Variants in EPHB1 observed in about 807,000 individuals in gnomAD.
EPHB1 encodes ephrin type-B receptor 1.
A neutral mutation model predicts 94.4 loss-of-function variants in EPHB1; 30 were observed. The ratio of observed to expected loss-of-function variants is 0.32; its 90% CI spans 0.24 to 0.43. EPHB1 has a LOEUF of 0.43. Ranked by LOEUF, EPHB1 falls within the 20% of genes least tolerant of loss-of-function variation. EPHB1 has a pLI of 1.00. For synonymous variants in EPHB1, 522 were observed against 489.1 expected (o/e 1.07, Z -0.89); for missense variants, 1,055 against 1,308.3 (o/e 0.81, Z 2.99).
chr3:134,854,550 T>C (rs2037069715), intron 1 of EPHB1, among the ~76,000 whole-genome samples: 1 of 152,150 alleles, frequency 6.6e-6, no homozygotes, highest in African/African-American at 2.4e-5. Flanking sequence ...ACAGCATTCA[T>C]TGCATCACAG....
At chr3:135,019,340 C>T (rs10804634) in intron 3 of EPHB1, among the ~76,000 whole-genome samples, 39,243 of 151,998 alleles carry the variant, frequency 0.26, 6,584 homozygotes, top group East Asian at 0.72. Context: ...ACGGCTTCCA[C>T]CCCAGGACTC....
At chr3:135,103,057 A>G (rs1021982260) in intron 3 of EPHB1, among the ~76,000 whole-genome samples, 1 of 152,162 alleles carries the variant, frequency 6.6e-6, no homozygotes, top group Admixed American at 6.6e-5. Context: ...ATGGGTTGAT[A>G]GGTGCAGCAA....
rs188650161 is a variant in EPHB1, at chr3:134,954,456, G to C, written c.805+2404G>C. On this transcript the variant is annotated intron_variant, in intron 3 of 15. Coordinates refer to ENST00000398015, the MANE Select transcript of EPHB1 (RefSeq NM_004441.5). ...ATGGTGGCCATTCACAATGGTTTTGGTGTAGCCCACTTAGCACAATCATCA... is the reference window on the plus strand; with the variant it reads ...ATGGTGGCCATTCACAATGGTTTTGCTGTAGCCCACTTAGCACAATCATCA... 1.3e-4 allele frequency among the ~76,000 whole-genome samples: 20 copies of C among 152,266 alleles called. No homozygotes were observed. The East Asian group carries it at 3.5e-3, about 26-fold the overall frequency.
intron 3 of EPHB1, among the ~76,000 whole-genome samples, chr3:135,062,150 A>G (rs1304550166): frequency 6.6e-6 from 1 of 152,210 alleles, no homozygotes. Flanking sequence ...TGCTTTAAAC[A>G]TGCATGTGTG....
chr3:135,091,201 A>T (rs1466131057), intron 3 of EPHB1, among the ~76,000 whole-genome samples: 1 of 152,158 alleles, frequency 6.6e-6, no homozygotes, highest in Non-Finnish European at 1.5e-5. Context: ...TGAGAAGGAG[A>T]AAGAGTTGAG....
chr3:134,958,408 A>G (rs942579835), intron 3 of EPHB1, among the ~76,000 whole-genome samples: 4 of 108,674 alleles, frequency 3.7e-5, no homozygotes, highest in Non-Finnish European at 7.4e-5. Context: ...TGAGGAACAC[A>G]AGGGAGTGTG....
chr3:134,897,510 T>C (rs1364612376), intron 1 of EPHB1, among the ~76,000 whole-genome samples: 2 of 152,180 alleles, frequency 1.3e-5, no homozygotes, highest in African/African-American at 4.8e-5. Flanking sequence ...TGGCACCATC[T>C]TTTCTTCTGC....
At chr3:134,865,665 AAAAG>A (rs1251596559) in intron 1 of EPHB1, among the ~76,000 whole-genome samples, 3 of 152,060 alleles carry the variant, frequency 2.0e-5, no homozygotes, top group South Asian at 4.1e-4. Context: ...AAAAAAAAAA[AAAAG>A]AAAGAAAGAA....
chr3:134,881,887 T>A (rs985424023), intron 1 of EPHB1, among the ~76,000 whole-genome samples: 5 of 152,180 alleles, frequency 3.3e-5, no homozygotes, highest in African/African-American at 1.2e-4. Context: ...TCATGCAGTT[T>A]CCATCAAAGA....
intron 1 of EPHB1, among the ~76,000 whole-genome samples, chr3:134,844,623 AG>A (rs1462617509): frequency 1.3e-5 from 2 of 152,204 alleles, no homozygotes; most frequent in Non-Finnish European, 2.9e-5. Context: ...CTTCCCTAGC[AG>A]GACCTTCATA....
chr3:134,988,672 C>G (rs191204719), intron 3 of EPHB1, among the ~76,000 whole-genome samples: 11 of 152,226 alleles, frequency 7.2e-5, no homozygotes, highest in Non-Finnish European at 1.0e-4. Flanking sequence ...CCCTATCATG[C>G]GGTTTTTACT....
Position 135,226,166 on chromosome 3 carries a change from C to T in EPHB1, c.2347-14982C>T, listed in dbSNP as rs113969804. Among the ~76,000 whole-genome samples, 1,210 of 152,278 alleles carry T rather than the reference C, an allele frequency of 7.9e-3. 9 individuals carry two copies. The highest frequency in any genetic ancestry group is 0.027 in the African/African-American group (1,117 of 41,560). On this transcript the variant is annotated intron_variant, in intron 12 of 15. Coordinates refer to ENST00000398015, the MANE Select transcript of EPHB1 (RefSeq NM_004441.5). ...TGGGGACAGCTGTGGGCAGCTTGGC[C>T]CATGGTCCAGCCTACACTACGGCTT... is the stretch of plus-strand genomic sequence containing the variant.
chr3:134,894,809 T>C (rs979699768), intron 1 of EPHB1, among the ~76,000 whole-genome samples: 3 of 152,236 alleles, frequency 2.0e-5, no homozygotes, highest in Admixed American at 6.5e-5. Context: ...AGAAACACAT[T>C]GAAGAGCCAA....
intron 2 of EPHB1, among the ~76,000 whole-genome samples, chr3:134,933,008 A>G (rs1398974279): frequency 6.6e-6 from 1 of 152,158 alleles, no homozygotes; most frequent in East Asian, 1.9e-4. Context: ...AGTATCTGTC[A>G]TGACTTTTTG....
intron 3 of EPHB1, among the ~76,000 whole-genome samples, chr3:135,056,056 A>T (rs1253892248): frequency 6.6e-6 from 1 of 152,170 alleles, no homozygotes; most frequent in Admixed American, 6.5e-5. Flanking sequence ...CTATCAGACC[A>T]CTTACTCACA....
At chr3:134,973,117 G>T (rs780563686) in intron 3 of EPHB1, among the ~76,000 whole-genome samples, 1 of 152,148 alleles carries the variant, frequency 6.6e-6, no homozygotes, top group Non-Finnish European at 1.5e-5. Context: ...ACCTTTCTTG[G>T]GTGTGGGGAA....
At chr3:134,967,767 G>A (rs1933818930) in intron 3 of EPHB1, among the ~76,000 whole-genome samples, 1 of 152,198 alleles carries the variant, frequency 6.6e-6, no homozygotes, top group African/African-American at 2.4e-5. Context: ...AATGGACTAA[G>A]ACAAAAGGAT....
At chr3:134,938,550 A>C (rs569961394) in intron 2 of EPHB1, among the ~76,000 whole-genome samples, 77 of 152,224 alleles carry the variant, frequency 5.1e-4, no homozygotes, top group Non-Finnish European at 1.0e-3. Context: ...ACGCCCAAGC[A>C]CGCATATATC....
At chr3:135,204,662 T>G (rs1576467395) in intron 12 of EPHB1, among the ~76,000 whole-genome samples, 1 of 149,502 alleles carries the variant, frequency 6.7e-6, no homozygotes, top group East Asian at 2.0e-4. Context: ...CACTATGCCC[T>G]GCTAATTTTT....
Sources: allele counts gnomAD v4.1 joint callset (sites outside exome capture counted in the v4.1 genomes callset), GRCh38; gene constraint gnomAD v4.1.1; transcripts MANE v1.5; gene names NCBI Gene and HGNC (gene_info 2026-07-23, HGNC 2026-07-21).